TAFA1: variants seen among roughly 807,000 people sequenced by gnomAD.
TAFA1 encodes the protein chemokine-like protein TAFA-1.
In TAFA1, 4 loss-of-function variants were observed where a neutral mutation model predicts 18.5. That is an observed-to-expected ratio of 0.22 (90% CI 0.11 to 0.49). The LOEUF is 0.49. Among genes scored for constraint, TAFA1 ranks in the 20% least tolerant of loss-of-function variants. The pLI, the probability that TAFA1 is intolerant of heterozygous loss-of-function variation, is 0.98. For missense variants in TAFA1, 147 were observed against 169.0 expected, an observed-to-expected ratio of 0.87 and a Z score of 0.72; for synonymous variants, 56 against 55.2, an observed-to-expected ratio of 1.01 and a Z score of -0.06.
At chr3:68,313,374 G>T (rs73099637) in intron 2 of TAFA1, among the ~76,000 whole-genome samples, 120 of 152,150 alleles carry the variant, frequency 7.9e-4, no homozygotes, top group Admixed American at 1.2e-3. Context: ...CTAGATAGGT[G>T]CAGTCTTGAT....
chr3:68,523,094 A>G (rs2073052596), intron 3 of TAFA1, among the ~76,000 whole-genome samples: 1 of 152,158 alleles, frequency 6.6e-6, no homozygotes, highest in Non-Finnish European at 1.5e-5. Context: ...AAATAAATAA[A>G]TAAAGCACTT....
At chr3:68,156,465 C>A (rs2065867882) in intron 2 of TAFA1, among the ~76,000 whole-genome samples, 1 of 152,104 alleles carries the variant, frequency 6.6e-6, no homozygotes, top group South Asian at 2.1e-4. Flanking sequence ...AGATTTTAGG[C>A]AAACTACATG....
chr3:68,211,286 A>G (rs1269956337), intron 2 of TAFA1, among the ~76,000 whole-genome samples: 4 of 152,088 alleles, frequency 2.6e-5, no homozygotes, highest in Non-Finnish European at 4.4e-5. Context: ...ATATGTAGGT[A>G]TAACACATAA....
intron 2 of TAFA1, among the ~76,000 whole-genome samples, chr3:68,313,123 C>T (rs116053557): frequency 0.011 from 1,602 of 152,270 alleles, 5 homozygotes; most frequent in Non-Finnish European, 0.017. Flanking sequence ...GGTCCTCCCA[C>T]AACACATGGG....
chr3:68,519,126 CA>C (rs1424239883), intron 3 of TAFA1, among the ~76,000 whole-genome samples: 1 of 152,148 alleles, frequency 6.6e-6, no homozygotes, highest in Non-Finnish European at 1.5e-5. Flanking sequence ...GTGTCTCCCC[CA>C]CCCTCAATTC....
At chr3:68,453,508 T>C (rs944587023) in intron 3 of TAFA1, among the ~76,000 whole-genome samples, 21 of 152,136 alleles carry the variant, frequency 1.4e-4, no homozygotes, top group Admixed American at 3.3e-4. Flanking sequence ...AGAGGAGGTA[T>C]GTAGTGGTTT....
intron 2 of TAFA1, among the ~76,000 whole-genome samples, chr3:68,297,736 A>ATTT (rs374934858): frequency 1.4e-5 from 2 of 145,704 alleles, no homozygotes; most frequent in African/African-American, 5.0e-5. Context: ...CTGATCATTC[A>ATTT]TTTTTTTTTT....
In TAFA1 at chr3:68,261,363, C is replaced by A. The variant is rs1246827917; in HGVS notation, c.119-155917C>A. ...CTTGTGGAAGTCAGTGTGGCGATTC[C>A]TCAGGGATCTAGAACTAGAAATACC... On this transcript the variant is annotated intron_variant, in intron 2 of 4. Transcript: ENST00000478136. 2.6e-5 allele frequency among the ~76,000 whole-genome samples: 4 copies of A among 152,134 alleles called. No homozygotes were observed. The East Asian group carries it at 7.7e-4, about 29-fold the overall frequency.
intron 2 of TAFA1, among the ~76,000 whole-genome samples, chr3:68,299,944 C>T (rs1468801803): frequency 1.3e-5 from 2 of 152,206 alleles, no homozygotes; most frequent in African/African-American, 4.8e-5. Context: ...CCTAAATGTC[C>T]AGGAGAAGTT....
chr3:68,410,705 CA>C (rs34714719), intron 2 of TAFA1, among the ~76,000 whole-genome samples: 145 of 36,632 alleles, frequency 4.0e-3, no homozygotes, highest in African/African-American at 0.012. Flanking sequence ...TTTCCATAAG[CA>C]AAAAAAAAAA....
intron 3 of TAFA1, among the ~76,000 whole-genome samples, chr3:68,506,055 A>C (rs1027077255): frequency 6.6e-6 from 1 of 151,652 alleles, no homozygotes; most frequent in African/African-American, 2.4e-5. Flanking sequence ...CCACCTCCTG[A>C]TAGGCCCCAG....
In TAFA1 at chr3:68,128,161, G is replaced by A. The variant is rs2065493259; in HGVS notation, c.118+121417G>A. Among the ~76,000 whole-genome samples the A allele has an allele frequency of 2.0e-5, 3 of 152,194 alleles. No individual in the cohort carries two copies. The South Asian group carries it at 6.2e-4, about 32-fold the overall frequency. On this transcript the variant is annotated intron_variant, in intron 2 of 4. Coordinates refer to ENST00000478136, the MANE Select transcript of TAFA1 (RefSeq NM_213609.4). ...AGGGGTCACACCATTAATGATCAGT[G>A]GAGCCAAGACTCAGACTCAGGCAGG...
At chr3:68,152,892 G>GC (rs2065823306) in intron 2 of TAFA1, among the ~76,000 whole-genome samples, 1 of 152,042 alleles carries the variant, frequency 6.6e-6, no homozygotes, top group Admixed American at 6.6e-5. Context: ...AGGGTGGCAT[G>GC]CCCTGGGCAA....
chr3:68,252,773 GCAGTGTCCCCACCCAAATCT>G (rs1453894841), intron 2 of TAFA1, among the ~76,000 whole-genome samples: 1 of 152,114 alleles, frequency 6.6e-6, no homozygotes, highest in Non-Finnish European at 1.5e-5. Flanking sequence ...ATATGGTTTG[GCAGTGTCCCCACCCAAATCT>G]CACTTTGAAT....
chr3:68,492,320 T>G (rs34464924), intron 3 of TAFA1, among the ~76,000 whole-genome samples: 29,348 of 149,696 alleles, frequency 0.2, 2,942 homozygotes, highest in African/African-American at 0.21. Context: ...TGTTTTTTTG[T>G]TTTTTTTTGC....
chr3:68,370,748 C>G (rs2220667), intron 2 of TAFA1, among the ~76,000 whole-genome samples: 20,504 of 141,344 alleles, frequency 0.15, 1,671 homozygotes, highest in East Asian at 0.3. Flanking sequence ...AATGACTGTT[C>G]TCTTTGTTAA....
At chr3:68,444,386 C>G (rs1169284392) in intron 3 of TAFA1, among the ~76,000 whole-genome samples, 2 of 152,116 alleles carry the variant, frequency 1.3e-5, no homozygotes, top group Non-Finnish European at 2.9e-5. Context: ...TTCTCTGTCA[C>G]TCTCGTGTGA....
chr3:68,278,835 T>C (rs2067844193), intron 2 of TAFA1, among the ~76,000 whole-genome samples: 2 of 152,112 alleles, frequency 1.3e-5, no homozygotes, highest in African/African-American at 4.8e-5. Flanking sequence ...CATTCTACAT[T>C]TCTAGCAAGT....
intron 2 of TAFA1, among the ~76,000 whole-genome samples, chr3:68,195,430 T>A (rs746073404): frequency 6.7e-6 from 1 of 149,888 alleles, no homozygotes; most frequent in Non-Finnish European, 1.5e-5. Context: ...ATGTCTTATC[T>A]GAAATTCGAC....
Sources: allele counts gnomAD v4.1 joint callset (sites outside exome capture counted in the v4.1 genomes callset), GRCh38; gene constraint gnomAD v4.1.1; transcripts MANE v1.5; gene names NCBI Gene and HGNC (gene_info 2026-07-23, HGNC 2026-07-21).